CLCN5: variants seen among roughly 807,000 people sequenced by gnomAD.
CLCN5 encodes the protein Cl-/H+ antiporter 5.
Under a neutral mutation model 54.0 loss-of-function variants are expected in CLCN5, and 17 were observed. The ratio of observed to expected loss-of-function variants is 0.31; its 90% confidence interval spans 0.22 to 0.47. The LOEUF is 0.47. Ranked by LOEUF, CLCN5 falls within the 20% of genes least tolerant of loss-of-function variation. CLCN5 has a pLI of 1.00. For synonymous variants in CLCN5, 222 were observed against 233.0 expected (o/e 0.95, Z 0.43); for missense variants, 448 against 646.7 (o/e 0.69, Z 3.33).
chrX:50,060,116 A>G (rs1932826874), intron 4 of CLCN5, among the ~76,000 whole-genome samples: 1 of 109,213 alleles, frequency 9.2e-6, no homozygotes, highest in Admixed American at 9.9e-5. Flanking sequence ...ATACTTTTCT[A>G]AAAGTTTAAT....
chrX:50,060,062 G>C (rs887228797), intron 4 of CLCN5, among the ~76,000 whole-genome samples: 1 of 107,011 alleles, frequency 9.3e-6, no homozygotes, highest in African/African-American at 3.4e-5. Flanking sequence ...CTTGGAAGGA[G>C]GCTTTAGAGG....
chrX:49,983,361 T>G (rs1016388830), intron 3 of CLCN5, among the ~76,000 whole-genome samples: 9 of 111,617 alleles, frequency 8.1e-5, no homozygotes, highest in African/African-American at 2.6e-4. Flanking sequence ...ACACGATGAG[T>G]GAATATGGTA....
intron 3 of CLCN5, among the ~76,000 whole-genome samples, chrX:50,041,206 C>G (rs1174390059): frequency 9.0e-6 from 1 of 111,149 alleles, no homozygotes; most frequent in Non-Finnish European, 1.9e-5. Context: ...GTTCTGACAA[C>G]CTAGGAAAAG....
At chrX:49,995,829 C>T (rs1381097261) in intron 3 of CLCN5, among the ~76,000 whole-genome samples, 1 of 111,630 alleles carries the variant, frequency 9.0e-6, no homozygotes, top group Non-Finnish European at 1.9e-5. Flanking sequence ...TATGTACTGG[C>T]TTTAGAGCTG....
chrX:49,935,475 T>C (rs1022545064), intron 3 of CLCN5, among the ~76,000 whole-genome samples: 1 of 112,409 alleles, frequency 8.9e-6, no homozygotes, highest in African/African-American at 3.2e-5. Flanking sequence ...TCATGATCCC[T>C]GCCCTCTTAA....
At chrX:50,080,238 TA>T (rs1460584543) in intron 7 of CLCN5, among the ~76,000 whole-genome samples, 1 of 111,314 alleles carries the variant, frequency 9.0e-6, no homozygotes, top group Non-Finnish European at 1.9e-5. Flanking sequence ...GGGGTGCTCT[TA>T]AGACTCTTGG....
intron 3 of CLCN5, among the ~76,000 whole-genome samples, chrX:50,018,830 C>G (rs1266187774): frequency 8.9e-6 from 1 of 111,813 alleles, no homozygotes; most frequent in South Asian, 3.7e-4. Flanking sequence ...ACATATAATT[C>G]TTTTTATATA....
intron 3 of CLCN5, among the ~76,000 whole-genome samples, chrX:49,972,113 GT>G (rs1928248318): frequency 2.9e-4 from 1 of 3,493 alleles, no homozygotes; most frequent in African/African-American, 1.0e-3. Flanking sequence ...GCATTCTCTG[GT>G]GTGTGTGTGT....
chrX:49,922,964 A>G (rs1438759153), intron 1 of CLCN5, among the ~76,000 whole-genome samples, 172 bp downstream of exon 1: 1 of 112,753 alleles, frequency 8.9e-6, no homozygotes, highest in Non-Finnish European at 1.9e-5. Context: ...CCCGGCGCTT[A>G]GAGGAGGTAG....
At chrX:50,032,469 G>A (rs187895594) in intron 3 of CLCN5, among the ~76,000 whole-genome samples, 4 of 111,172 alleles carry the variant, frequency 3.6e-5, no homozygotes, top group East Asian at 2.8e-4. Flanking sequence ...TCTGATGGCC[G>A]GTGTTGGTGA....
intron 3 of CLCN5, among the ~76,000 whole-genome samples, chrX:49,946,828 T>TC (rs1191866078): frequency 9.0e-6 from 1 of 110,756 alleles, no homozygotes; most frequent in Non-Finnish European, 1.9e-5. Context: ...TTTTTCTTTT[T>TC]TTTTATTTTT....
intron 3 of CLCN5, among the ~76,000 whole-genome samples, chrX:49,958,197 G>C (rs1927426941): frequency 9.0e-6 from 1 of 111,081 alleles, no homozygotes; most frequent in African/African-American, 3.3e-5. Context: ...TTTTACAAAT[G>C]TCACATAAAT....
At chrX:49,954,011 T>A (rs782472499) in intron 3 of CLCN5, among the ~76,000 whole-genome samples, 16 of 112,389 alleles carry the variant, frequency 1.4e-4, no homozygotes, top group African/African-American at 5.2e-4. Context: ...TTTAAATTTA[T>A]TTATAAGTTA....
intron 4 of CLCN5, among the ~76,000 whole-genome samples, chrX:50,049,275 T>A (rs782270976): frequency 4.5e-5 from 5 of 112,278 alleles, no homozygotes; most frequent in Middle Eastern, 4.6e-3. Context: ...TACAGTTGAC[T>A]ACAGTATTCA....
At chrX:50,034,774 C>T (rs1931909809) in intron 3 of CLCN5, among the ~76,000 whole-genome samples, 1 of 111,011 alleles carries the variant, frequency 9.0e-6, no homozygotes, top group South Asian at 3.9e-4. Flanking sequence ...GGGCCCTTGC[C>T]TTGATCTTAG....
At chrX:50,008,061 A>T (rs1233312502) in intron 3 of CLCN5, among the ~76,000 whole-genome samples, 1 of 112,353 alleles carries the variant, frequency 8.9e-6, no homozygotes, top group Non-Finnish European at 1.9e-5. Context: ...TCACCAAGTC[A>T]GAAACCTCTG....
intron 3 of CLCN5, among the ~76,000 whole-genome samples, chrX:50,035,310 C>T (rs1931940656): frequency 9.0e-6 from 1 of 111,274 alleles, no homozygotes; most frequent in African/African-American, 3.3e-5. Flanking sequence ...TCCCTTCCCT[C>T]ATAGGGCAAG....
At chrX:49,997,397 C>G (rs187687619) in intron 3 of CLCN5, among the ~76,000 whole-genome samples, 2 of 111,501 alleles carry the variant, frequency 1.8e-5, no homozygotes, top group African/African-American at 6.5e-5. Context: ...TCTTGCCCCC[C>G]ACTTGTCCCT....
chrX:49,946,424 A>G (rs1479080271), intron 3 of CLCN5, among the ~76,000 whole-genome samples: 1 of 111,218 alleles, frequency 9.0e-6, no homozygotes, highest in Non-Finnish European at 1.9e-5. Context: ...GATTGTTGGC[A>G]GAATTTAGTT....
Sources: gnomAD v4.1 joint callset for allele counts (sites outside exome capture counted in the v4.1 genomes callset) on GRCh38, gnomAD v4.1.1 for gene constraint, MANE v1.5 for transcripts, NCBI Gene and HGNC (gene_info 2026-07-23, HGNC 2026-07-21) for gene names.